Variants in NCOA2 observed in about 807,000 individuals in gnomAD.
The protein encoded by NCOA2 is nuclear receptor coactivator 2.
Under a neutral mutation model 145.1 loss-of-function variants are expected in NCOA2, and 21 were observed. The ratio of observed to expected loss-of-function variants is 0.14; its 90% CI spans 0.10 to 0.21. The LOEUF is 0.21. NCOA2 is among the 10% of genes least tolerant of loss of function. The probability of loss-of-function intolerance (pLI) is 1.00; values close to 1 mark genes in which losing one functional copy is unlikely to be tolerated. For synonymous variants in NCOA2, 619 were observed against 637.5 expected, an observed-to-expected ratio of 0.97 and a Z score of 0.44; for missense variants, 1,472 against 1,837.6, an observed-to-expected ratio of 0.80 and a Z score of 3.64.
intron 1 of NCOA2, among the ~76,000 whole-genome samples, chr8:70,327,385 C>G (rs1806690367): frequency 6.6e-6 from 1 of 152,152 alleles, no homozygotes; most frequent in Non-Finnish European, 1.5e-5. Context: ...GAAATTTTTG[C>G]AAAATTCATT....
chr8:70,164,918 A>AG (rs1352687479), intron 7 of NCOA2, among the ~76,000 whole-genome samples: 2 of 152,046 alleles, frequency 1.3e-5, no homozygotes, highest in Non-Finnish European at 2.9e-5. Flanking sequence ...TTACAGACAA[A>AG]AAGATCAAAG....
intron 12 of NCOA2, among the ~76,000 whole-genome samples, chr8:70,147,778 T>C (rs886256582): frequency 1.3e-5 from 2 of 152,228 alleles, no homozygotes; most frequent in African/African-American, 4.8e-5. Context: ...AGCCCTTTCA[T>C]GTAAAAATAC....
intron 10 of NCOA2, among the ~76,000 whole-genome samples, chr8:70,159,093 A>T (rs1812596928): frequency 6.6e-6 from 1 of 151,320 alleles, no homozygotes; most frequent in African/African-American, 2.4e-5. Flanking sequence ...AAGTCCCTGA[A>T]ATTAATAGCA....
At chr8:70,122,871 G>A (rs1807977649) in intron 21 of NCOA2, among the ~76,000 whole-genome samples, 1 of 152,158 alleles carries the variant, frequency 6.6e-6, no homozygotes, top group Admixed American at 6.5e-5. Flanking sequence ...ACCTGTCAGT[G>A]ATTTCATGCT....
At chr8:70,366,501 G>C (rs1247979085) in intron 1 of NCOA2, among the ~76,000 whole-genome samples, 3 of 151,332 alleles carry the variant, frequency 2.0e-5, no homozygotes, top group African/African-American at 7.3e-5. Context: ...GGGGCTTTCG[G>C]GGGGAGAAGA....
intron 1 of NCOA2, among the ~76,000 whole-genome samples, chr8:70,322,537 G>T (rs1030851995): frequency 6.6e-6 from 1 of 152,132 alleles, no homozygotes; most frequent in Admixed American, 6.5e-5. Flanking sequence ...TCTTCCTCCA[G>T]TACCCACATC....
At chr8:70,362,486 G>A (rs189742261) in intron 1 of NCOA2, among the ~76,000 whole-genome samples, 6 of 152,120 alleles carry the variant, frequency 3.9e-5, no homozygotes, top group South Asian at 4.2e-4. Context: ...TTTTTTTAAC[G>A]TGCAAAAGAT....
chr8:70,185,587 C>A (rs1332627581), intron 4 of NCOA2, among the ~76,000 whole-genome samples: 1 of 152,138 alleles, frequency 6.6e-6, no homozygotes, highest in African/African-American at 2.4e-5. Flanking sequence ...AGGGCGCAAG[C>A]TCTCTGTGGA....
chr8:70,386,314 C>T (rs887724228), intron 1 of NCOA2, among the ~76,000 whole-genome samples: 3 of 152,188 alleles, frequency 2.0e-5, no homozygotes, highest in Non-Finnish European at 4.4e-5. Context: ...TGTATAGACT[C>T]TTGGATGAGA....
Position 70,128,487 on chromosome 8 carries a change from T to C in NCOA2, c.3627A>G (p.Gln1209=), listed in dbSNP as rs770026465. Residue 1209 remains glutamine, a synonymous_variant, in exon 18 of 23, where the codon CAA becomes CAG. Coordinates refer to ENST00000452400, the MANE Select transcript of NCOA2 (RefSeq NM_006540.4). ...AGTTCACATTGGAAACATTGCTGATTTGATTCATAAGTGGCTGGCGATTCT... is the reference window on the plus strand; with the variant it reads ...AGTTCACATTGGAAACATTGCTGATCTGATTCATAAGTGGCTGGCGATTCT... ...AQQNRQPLMN[Q]ISNVSNVNLT... is the part of the protein sequence containing the mutation. 6.2e-7 allele frequency: 1 copy of C among 1,612,930 alleles called. No individual in the cohort carries two copies. The highest frequency in any genetic ancestry group is 1.1e-5 in the South Asian group (1 of 90,816).
chr8:70,449,851 T>G, the NCOA2 span, among the ~76,000 whole-genome samples: 2 of 152,244 alleles, frequency 1.3e-5, no homozygotes, highest in Non-Finnish European at 2.9e-5. Flanking sequence ...GATGTCAACC[T>G]TTAGCAATAA....
At chr8:70,166,259 A>C (rs1813605026) in intron 7 of NCOA2, among the ~76,000 whole-genome samples, 1 of 152,164 alleles carries the variant, frequency 6.6e-6, no homozygotes, top group African/African-American at 2.4e-5. Context: ...TTCAAACGTA[A>C]ATTTAATAAA....
intron 4 of NCOA2, among the ~76,000 whole-genome samples, chr8:70,196,251 C>T (rs1018234958): frequency 6.6e-6 from 1 of 152,140 alleles, no homozygotes; most frequent in Admixed American, 6.5e-5. Context: ...TGGTGCACGT[C>T]TGTAATCTCA....
intron 1 of NCOA2, among the ~76,000 whole-genome samples, chr8:70,299,819 C>A (rs1827359364): frequency 6.6e-6 from 1 of 152,130 alleles, no homozygotes; most frequent in African/African-American, 2.4e-5. Context: ...GATATCCATA[C>A]AAAGAGCTGA....
intron 2 of NCOA2, among the ~76,000 whole-genome samples, chr8:70,274,723 C>CTTA (rs1825339349): frequency 6.6e-6 from 1 of 152,166 alleles, no homozygotes; most frequent in African/African-American, 2.4e-5. Flanking sequence ...AAAGATACTG[C>CTTA]TTATAGAACA....
At chr8:70,335,168 A>C (rs1021200543) in intron 1 of NCOA2, among the ~76,000 whole-genome samples, 5 of 141,600 alleles carry the variant, frequency 3.5e-5, no homozygotes, top group Non-Finnish European at 1.5e-5. Context: ...TCTCCCTATG[A>C]CCATTTTCTC....
chr8:70,112,928 G>GA lies in NCOA2; in HGVS notation c.*703dup, dbSNP rs988844771. The GA allele has an allele frequency of 4.4e-4, 86 of 197,262 alleles. No individual in the cohort carries two copies. Among genetic ancestry groups the GA allele is most frequent in the Middle Eastern group, 1.7e-3 (1 of 582 alleles). 12.2% of individuals were successfully genotyped at this position (197,262 alleles called of 1,614,324 possible). Reference sequence around the variant, plus strand: ...GGTGAACCAGTTTGGTTTTAACAAAGAAAAAACAAGGAAAAAATATTTGCT... The same window carrying GA: ...GGTGAACCAGTTTGGTTTTAACAAAGAAAAAAACAAGGAAAAAATATTTGCT... On this transcript the variant is annotated 3_prime_UTR_variant, in exon 23 of 23. Coordinates refer to ENST00000452400, the MANE Select transcript of NCOA2 (RefSeq NM_006540.4).
intron 21 of NCOA2, among the ~76,000 whole-genome samples, chr8:70,122,485 G>A (rs1301501457): frequency 6.6e-6 from 1 of 150,874 alleles, no homozygotes; most frequent in Non-Finnish European, 1.5e-5. Flanking sequence ...TTGAATTCCT[G>A]GCTTCAAGCC....
chr8:70,128,660 A>AC, intron 17 of NCOA2, 42 bp downstream of exon 17: 1 of 1,605,968 alleles, frequency 6.2e-7, no homozygotes, highest in South Asian at 1.1e-5. Flanking sequence ...CATGTCCTCC[A>AC]CCCAGCACCC....
Sources: allele counts gnomAD v4.1 joint callset (sites outside exome capture counted in the v4.1 genomes callset), GRCh38; gene constraint gnomAD v4.1.1; transcripts MANE v1.5; gene names NCBI Gene and HGNC (gene_info 2026-07-23, HGNC 2026-07-21).